Variants in COL21A1 observed in about 807,000 individuals in gnomAD.
COL21A1 encodes collagen type XXI alpha 1 chain.
In COL21A1, 149 loss-of-function variants were observed where a neutral mutation model predicts 137.9. That is an observed-to-expected ratio of 1.08 (90% confidence interval 0.95 to 1.24). COL21A1 has a LOEUF of 1.24. COL21A1 is among the 50% of genes most tolerant of loss of function. COL21A1 has a pLI of 0.00. For synonymous variants in COL21A1, 456 were observed against 391.5 expected, an observed-to-expected ratio of 1.16 and a Z score of -1.95; for missense variants, 1,167 against 1,158.4, an observed-to-expected ratio of 1.01 and a Z score of -0.11.
intron 1 of COL21A1, among the ~76,000 whole-genome samples, chr6:56,245,726 G>C (rs1043565877): frequency 1.1e-4 from 16 of 152,186 alleles, no homozygotes; most frequent in African/African-American, 3.9e-4. Flanking sequence ...CAGAAGAGCA[G>C]GTCTTGAACC....
chr6:56,123,849 T>G (rs915668373), intron 16 of COL21A1, among the ~76,000 whole-genome samples: 1 of 152,190 alleles, frequency 6.6e-6, no homozygotes, highest in African/African-American at 2.4e-5. Context: ...CCTTGTAATA[T>G]CCTATGATTC....
chr6:56,209,730 G>A (rs929101658), intron 1 of COL21A1, among the ~76,000 whole-genome samples: 10 of 152,072 alleles, frequency 6.6e-5, no homozygotes, highest in Admixed American at 1.3e-4. Context: ...GATTCCTCAA[G>A]GATCTAGAAC....
chr6:56,084,969 C>T (rs959823701), intron 17 of COL21A1, among the ~76,000 whole-genome samples: 3 of 151,984 alleles, frequency 2.0e-5, no homozygotes, highest in Non-Finnish European at 4.4e-5. Context: ...TTGCTAAGTA[C>T]ACTGTGTTGG....
intron 1 of COL21A1, among the ~76,000 whole-genome samples, chr6:56,336,453 C>T (rs1765331718): frequency 1.3e-5 from 2 of 151,966 alleles, no homozygotes; most frequent in African/African-American, 4.8e-5. Context: ...TATGGTAGAA[C>T]AAAAACAGAT....
chr6:56,188,442 G>A (rs1778441257), intron 1 of COL21A1, among the ~76,000 whole-genome samples: 1 of 152,134 alleles, frequency 6.6e-6, no homozygotes, highest in Non-Finnish European at 1.5e-5. Context: ...ATACTACTCA[G>A]CAGCTCTGGG....
chr6:56,205,044 A>C lies in COL21A1; in HGVS notation c.-38-22388T>G, dbSNP rs1297204234. ...AAGATGGGGAGAAACCAGTGCAAAAAGGCTGAAAATTCCAAAAACCAGAAC... is the reference window on the plus strand; with the variant it reads ...AAGATGGGGAGAAACCAGTGCAAAACGGCTGAAAATTCCAAAAACCAGAAC... On this transcript the variant is annotated intron_variant, in intron 1 of 29. Transcript: ENST00000244728. Among the ~76,000 whole-genome samples, 4 of 152,236 alleles carry C rather than the reference A, an allele frequency of 2.6e-5. No individual in the cohort carries two copies. The East Asian group carries it at 7.7e-4, about 29-fold the overall frequency.
chr6:56,142,209 T>C (rs1362531892), intron 10 of COL21A1, among the ~76,000 whole-genome samples: 3 of 152,038 alleles, frequency 2.0e-5, no homozygotes, highest in Non-Finnish European at 2.9e-5. Context: ...TGTAAATTAA[T>C]AAAAATATTT....
chr6:56,254,938 T>C (rs1210443062), intron 1 of COL21A1, among the ~76,000 whole-genome samples: 1 of 152,212 alleles, frequency 6.6e-6, no homozygotes, highest in African/African-American at 2.4e-5. Flanking sequence ...GATTTTTTTT[T>C]CTGTCATGAT....
At chr6:56,247,334 C>T (rs1582729202) in intron 1 of COL21A1, 53 bp downstream of exon 1, 2 of 152,256 alleles carry the variant, frequency 1.3e-5, no homozygotes, top group Admixed American at 1.3e-4. Context: ...AGCCCTGAGG[C>T]CCCCCGAGAT....
chr6:56,156,773 T>A lies in COL21A1; in HGVS notation c.1434+114A>T, dbSNP rs1775775319. On this transcript the variant is annotated intron_variant, in intron 10 of 29. Coordinates refer to ENST00000244728, the MANE Select transcript of COL21A1 (RefSeq NM_030820.4). ...AGTTGAGTTCAGTCTCTCCTTCCTA[T>A]GGCAGCAGTCATGAATAAAGCTTTC... 5 of 836,700 alleles carry A rather than the reference T, an allele frequency of 6.0e-6. No homozygotes were observed. In the South Asian group the frequency reaches 7.8e-5, roughly 13 times the overall value. The allele number at this position is 836,700 out of a possible 1,614,324, so 51.8% of individuals were successfully genotyped here. A position where few individuals can be genotyped will look rare whatever the true frequency, so the allele number is the denominator to read the frequency against.
chr6:56,240,774 A>G (rs1782254573), intron 1 of COL21A1, among the ~76,000 whole-genome samples: 2 of 152,148 alleles, frequency 1.3e-5, no homozygotes, highest in Non-Finnish European at 2.9e-5. Context: ...GGCAGGCTGG[A>G]TGAGAAGCCA....
chr6:56,112,666 T>C (rs2764058), intron 16 of COL21A1, among the ~76,000 whole-genome samples: 110,759 of 146,398 alleles, frequency 0.76, 42,722 homozygotes, highest in East Asian at 0.91. Context: ...ACAGAAGAAG[T>C]TTTTTTTTCT....
Position 56,171,114 on chromosome 6 carries a change from T to C in COL21A1, c.655A>G (p.Thr219Ala), listed in dbSNP as rs1483921760. 3.1e-6 allele frequency: 5 copies of C among 1,600,766 alleles called. No individual in the cohort carries two copies. In the South Asian group the frequency reaches 4.5e-5, roughly 14 times the overall value. The change falls in exon 4 of 30, where the codon ACA becomes GCA. Residue 219 changes from threonine to alanine, a missense_variant. Thr to Ala is a moderately conservative substitution (Grantham distance 58). Transcript: ENST00000244728. ...QKLCEESVCP[T>A]RIPVAARDER... ...TCACGAGCTGCCACTGGAATTCGTG[T>C]TGGACAGACAGATTCTATAAAGCAA...
chr6:56,206,689 AATAAATAAATATATATATATATAT>A lies in COL21A1; in HGVS notation c.-38-24057_-38-24034del, dbSNP rs1331802945. Among the ~76,000 whole-genome samples the A allele has an allele frequency of 6.7e-3, 149 of 22,220 alleles. 2 individuals are homozygous for A. The highest frequency in any genetic ancestry group is 0.015 in the Admixed American group (35 of 2,312). The allele number at this position is 22,220 out of a possible 152,430, so 14.6% of individuals were successfully genotyped here. On this transcript the variant is annotated intron_variant, in intron 1 of 29. Coordinates refer to ENST00000244728, the MANE Select transcript of COL21A1 (RefSeq NM_030820.4). ...CCACCCCAATTCAACAAAATAAATA[AATAAATAAATATATATATATATAT>A]ATATATATATATATATATATATATT...
rs150728492 is a variant in COL21A1 at position 56,277,864 on chromosome 6, T to A, written c.-38-95208A>T. Among the ~76,000 whole-genome samples, 12 of 152,368 alleles carry A rather than the reference T, an allele frequency of 7.9e-5. No homozygotes were observed. The East Asian group carries it at 2.3e-3, about 29-fold the overall frequency. On this transcript the variant is annotated intron_variant, in intron 1 of 28. Coordinates refer to the COL21A1 transcript ENST00000370819. ...GATACAGACTTAACATGTATATTTC[T>A]GACAAAGGAACAGTATTTGTACTAA...
chr6:56,103,890 A>C (rs943356024), intron 16 of COL21A1, among the ~76,000 whole-genome samples: 1 of 152,176 alleles, frequency 6.6e-6, no homozygotes, highest in African/African-American at 2.4e-5. Flanking sequence ...ATTTCTAATA[A>C]GTTTACAGAA....
At chr6:56,340,259 G>A (rs947386188) in intron 1 of COL21A1, among the ~76,000 whole-genome samples, 1 of 152,134 alleles carries the variant, frequency 6.6e-6, no homozygotes, top group African/African-American at 2.4e-5. Context: ...CTCAGCACAA[G>A]GCTGTGGTCT....
chr6:56,186,690 A>G (rs1222622252), intron 1 of COL21A1, among the ~76,000 whole-genome samples: 3 of 152,192 alleles, frequency 2.0e-5, no homozygotes, highest in Admixed American at 6.5e-5. Flanking sequence ...GGAAAAAAAT[A>G]CCATTTTCAA....
At chr6:56,180,625 GA>G (rs887497725) in intron 2 of COL21A1, among the ~76,000 whole-genome samples, 20 of 151,054 alleles carry the variant, frequency 1.3e-4, no homozygotes, top group South Asian at 8.3e-4. Flanking sequence ...TCCTTTTGGG[GA>G]AAAAAAAATA....
Sources: gnomAD v4.1 joint callset for allele counts (sites outside exome capture counted in the v4.1 genomes callset) on GRCh38, gnomAD v4.1.1 for gene constraint, MANE v1.5 for transcripts, NCBI Gene and HGNC (gene_info 2026-07-23, HGNC 2026-07-21) for gene names.